Variants in DMC1 observed in about 807,000 individuals in gnomAD.
The protein encoded by DMC1 is meiotic recombination protein DMC1 homolog.
In DMC1, 27 loss-of-function variants were observed where a neutral mutation model predicts 50.1. That is an observed-to-expected ratio of 0.54 (90% CI 0.40 to 0.74). DMC1 has a LOEUF of 0.74. DMC1 is among the 30% of genes least tolerant of loss of function. The probability of loss-of-function intolerance (pLI) is 0.00; values close to 1 mark genes in which losing one functional copy is unlikely to be tolerated. For missense variants in DMC1, 295 were observed against 420.2 expected (o/e 0.70, Z 2.60); for synonymous variants, 148 against 136.1 (o/e 1.09, Z -0.61).
chr22:38,555,538 A>G (rs1404771333), intron 5 of DMC1, 129 bp from the exon 6 acceptor site: 1 of 641,104 alleles, frequency 1.6e-6, no homozygotes, highest in Non-Finnish European at 2.8e-6. Context: ...CTACCTATCT[A>G]TCTACAGAAC....
At chr22:38,563,488 T>A (rs1222338799) in intron 4 of DMC1, among the ~76,000 whole-genome samples, 28 of 152,136 alleles carry the variant, frequency 1.8e-4, no homozygotes, top group Non-Finnish European at 4.4e-5. Flanking sequence ...ACCACCGTAT[T>A]ATGAAATTAA....
chr22:38,539,766 T>C (rs1186543086), intron 8 of DMC1, among the ~76,000 whole-genome samples: 1 of 152,190 alleles, frequency 6.6e-6, no homozygotes, highest in Non-Finnish European at 1.5e-5. Flanking sequence ...CTTGAGCTTA[T>C]GCAGCAAATC....
intron 5 of DMC1, among the ~76,000 whole-genome samples, chr22:38,561,292 C>T (rs139680029): frequency 6.6e-6 from 1 of 152,036 alleles, no homozygotes; most frequent in African/African-American, 2.4e-5. Context: ...ACAGGTGTCA[C>T]CCACTGCACC....
intron 1 of DMC1, 24 bp from the exon 2 acceptor site, chr22:38,568,313 T>G: frequency 6.4e-7 from 1 of 1,555,414 alleles, no homozygotes. Context: ...AAATATTATG[T>G]AAGAAGTAGT....
chr22:38,556,585 A>G (rs990707345), intron 5 of DMC1, among the ~76,000 whole-genome samples: 3 of 152,220 alleles, frequency 2.0e-5, no homozygotes, highest in Non-Finnish European at 4.4e-5. Flanking sequence ...CATACATTTA[A>G]TTGGTAGCCC....
Position 38,539,338 on chromosome 22 carries a change from T to C in DMC1, c.569A>G (p.Tyr190Cys). 1 of 1,613,894 alleles carries C rather than the reference T, an allele frequency of 6.2e-7. No individual in the cohort carries two copies. The highest frequency in any genetic ancestry group is 8.5e-7 in the Non-Finnish European group (1 of 1,179,804). ...GCTCTTACTAGTATATGCACGTGCA[T>C]AAAGTACGTTGTCCAGTACTGCATC... Reference protein sequence around the residue: ...DHDAVLDNVLYARAYTSEHQM... With the variant: ...DHDAVLDNVLCARAYTSEHQM... The change falls in exon 9 of 14, where the codon TAT becomes TGT. Residue 190 changes from tyrosine to cysteine, a missense_variant. By Grantham distance (194) the Tyr-to-Cys change is radical. Transcript: ENST00000216024.
At chr22:38,509,314 C>G in the DMC1 span, among the ~76,000 whole-genome samples, 1 of 152,188 alleles carries the variant, frequency 6.6e-6, no homozygotes, top group East Asian at 1.9e-4. Flanking sequence ...GATGCTCTCC[C>G]TCCGCCGACC....
chr22:38,519,102 C>G lies in DMC1; in HGVS notation c.*918G>C, dbSNP rs1396029773. 1.3e-5 allele frequency: 2 copies of G among 149,626 alleles called. No individual in the cohort carries two copies. The highest frequency in any genetic ancestry group is 3.0e-5 in the Non-Finnish European group (2 of 67,666). The allele number at this position is 149,626 out of a possible 1,614,324, so 9.3% of individuals were successfully genotyped here. ...TTTGAGACGGAGTCTCACTCTGTCA[C>G]CTAGGCTGGAGTGCAGTGGTGCCAT... On this transcript the variant is annotated 3_prime_UTR_variant, in exon 14 of 14. Coordinates refer to ENST00000216024, the MANE Select transcript of DMC1 (RefSeq NM_007068.4).
intron 13 of DMC1, among the ~76,000 whole-genome samples, chr22:38,521,313 T>C (rs757478100): frequency 6.6e-6 from 1 of 152,118 alleles, no homozygotes; most frequent in Non-Finnish European, 1.5e-5. Context: ...AGTCTATGTG[T>C]CAATAGAATC....
the DMC1 span, among the ~76,000 whole-genome samples, chr22:38,509,299 T>G: frequency 6.6e-6 from 1 of 152,200 alleles, no homozygotes; most frequent in African/African-American, 2.4e-5. Context: ...TTAGCTATTC[T>G]TCTCGATGCT....
chr22:38,524,512 C>T (rs950986270), intron 12 of DMC1, among the ~76,000 whole-genome samples: 5 of 152,172 alleles, frequency 3.3e-5, no homozygotes, highest in African/African-American at 1.2e-4. Context: ...CTTCTTCTTT[C>T]TGTCCACCAC....
At chr22:38,518,064 C>G (rs1017108820), downstream of DMC1, among the ~76,000 whole-genome samples, 2 of 152,166 alleles carry the variant, frequency 1.3e-5, no homozygotes, top group East Asian at 3.9e-4. Flanking sequence ...CCTCCGCCTC[C>G]TGGGTTCATG....
chr22:38,533,044 G>A (rs1284360830), intron 12 of DMC1, among the ~76,000 whole-genome samples: 2 of 152,048 alleles, frequency 1.3e-5, no homozygotes, highest in African/African-American at 4.8e-5. Flanking sequence ...AATAACATTT[G>A]AGTAGTTAAT....
intron 7 of DMC1, among the ~76,000 whole-genome samples, chr22:38,552,361 A>G (rs2090422426): frequency 6.6e-6 from 1 of 152,206 alleles, no homozygotes; most frequent in Non-Finnish European, 1.5e-5. Flanking sequence ...CTCTTCTAAA[A>G]AAGATATAGA....
intron 5 of DMC1, among the ~76,000 whole-genome samples, chr22:38,561,380 A>G (rs185200403): frequency 1.3e-5 from 2 of 152,054 alleles, no homozygotes; most frequent in Non-Finnish European, 2.9e-5. Flanking sequence ...TCCTCCTTGT[A>G]ATTTATTTGT....
At chr22:38,557,956 CT>C (rs753724944) in intron 5 of DMC1, among the ~76,000 whole-genome samples, 1,746 of 62,686 alleles carry the variant, frequency 0.028, 7 homozygotes, top group Middle Eastern at 0.045. Context: ...AGACAAAGTT[CT>C]TTTTTTTTTT....
At chr22:38,552,112 C>T (rs1330388369) in intron 7 of DMC1, among the ~76,000 whole-genome samples, 1 of 151,534 alleles carries the variant, frequency 6.6e-6, no homozygotes, top group African/African-American at 2.4e-5. Context: ...CCGCCCGCCT[C>T]GGCCTCCCAA....
chr22:38,543,916 G>A (rs2090314468), intron 8 of DMC1, among the ~76,000 whole-genome samples: 1 of 152,144 alleles, frequency 6.6e-6, no homozygotes, highest in African/African-American at 2.4e-5. Flanking sequence ...AGACTGTGCA[G>A]TCCAACCCTA....
chr22:38,534,143 C>T (rs1256890220), intron 12 of DMC1, among the ~76,000 whole-genome samples: 2 of 152,088 alleles, frequency 1.3e-5, no homozygotes, highest in African/African-American at 4.8e-5. Flanking sequence ...TCAATTGATC[C>T]TGAATTGAAT....
Sources: allele counts gnomAD v4.1 joint callset (sites outside exome capture counted in the v4.1 genomes callset), GRCh38; gene constraint gnomAD v4.1.1; transcripts MANE v1.5; gene names NCBI Gene and HGNC (gene_info 2026-07-23, HGNC 2026-07-21).